The following POLR2B variants were observed in gnomAD, a reference collection of about 807,000 sequenced individuals.
POLR2B encodes the protein DNA-directed RNA polymerase II subunit RPB2.
POLR2B carries 57 observed loss-of-function variants against 144.6 expected under a neutral mutation model. The ratio of observed to expected loss-of-function variants is 0.39; its 90% CI spans 0.32 to 0.49. The LOEUF is 0.49. Ranked by LOEUF, POLR2B falls within the 20% of genes least tolerant of loss-of-function variation. The probability of loss-of-function intolerance (pLI) is 0.83; values close to 1 mark genes in which losing one functional copy is unlikely to be tolerated. For missense variants in POLR2B, 595 were observed against 1,467.4 expected (o/e 0.41, Z 9.71); for synonymous variants, 442 against 469.8 (o/e 0.94, Z 0.77).
Position 56,989,724 on chromosome 4 carries a change from T to C in POLR2B, c.93-1024T>C, listed in dbSNP as rs1214301120. Among the ~76,000 whole-genome samples the C allele has an allele frequency of 7.2e-5, 11 of 152,296 alleles. No homozygotes were observed. In the East Asian group the frequency reaches 1.5e-3, roughly 21 times the overall value. On this transcript the variant is annotated intron_variant, in intron 2 of 24. Transcript: ENST00000314595. ...AGACGTGGAGGTGTGGTGGGGCACT[T>C]CCTACTGCTGAAGGGTGATGGGATA...
chr4:56,997,774 A>G (rs894987459), intron 6 of POLR2B, among the ~76,000 whole-genome samples: 4 of 152,178 alleles, frequency 2.6e-5, no homozygotes, highest in African/African-American at 9.7e-5. Context: ...GATCTTAACT[A>G]AAGGTTCACC....
Position 56,990,802 on chromosome 4 carries a change from G to A in POLR2B, c.147G>A (p.Glu49=), listed in dbSNP as rs1364420901. 1.2e-6 allele frequency: 2 copies of A among 1,613,476 alleles called. No homozygotes were observed. Among genetic ancestry groups the A allele is most frequent in the East Asian group, 2.2e-5 (1 of 44,852 alleles). Residue 49 remains glutamate, a synonymous_variant, in exon 3 of 25, where the codon GAG becomes GAA. Transcript: ENST00000314595. ...GACAACAGCTGGATTCTTTTGATGA[G>A]TTTATTCAGATGTCTGTTCAAAGAA... ...LVRQQLDSFD[E]FIQMSVQRIV... is the part of the protein sequence containing the mutation.
At chr4:57,000,064 A>G (rs1014826784) in intron 7 of POLR2B, among the ~76,000 whole-genome samples, 10 of 152,242 alleles carry the variant, frequency 6.6e-5, no homozygotes, top group African/African-American at 1.9e-4. Context: ...GCTTGGTGCA[A>G]TTTAGTAAAA....
chr4:56,978,901 G>T lies in POLR2B; in HGVS notation c.-85G>T, dbSNP rs1187579361. 3.8e-6 allele frequency: 5 copies of T among 1,323,270 alleles called. No individual in the cohort carries two copies. Among genetic ancestry groups the T allele is most frequent in the Non-Finnish European group, 5.5e-6 (5 of 914,948 alleles). 82.0% of individuals were successfully genotyped at this position (1,323,270 alleles called of 1,614,324 possible). A position where few individuals can be genotyped will look rare whatever the true frequency, so the allele number is the denominator to read the frequency against. ...GAACGTCGGAGACGGAAGTTACTTC[G>T]TCTTTAGCTCCTGGCGCTGCTGGCT... On this transcript the variant is annotated 5_prime_UTR_variant, in exon 1 of 25. Coordinates refer to ENST00000314595, the MANE Select transcript of POLR2B (RefSeq NM_000938.3).
chr4:56,985,062 G>A (rs889826371), intron 1 of POLR2B, among the ~76,000 whole-genome samples: 5 of 152,100 alleles, frequency 3.3e-5, no homozygotes, highest in African/African-American at 1.2e-4. Context: ...TGACAGCTGG[G>A]TGAGAGATGA....
chr4:57,027,875 A>T (rs1048017932), intron 23 of POLR2B, among the ~76,000 whole-genome samples: 1 of 152,252 alleles, frequency 6.6e-6, no homozygotes, highest in Non-Finnish European at 1.5e-5. Flanking sequence ...TGCATTTGTT[A>T]ATATGACTAC....
chr4:57,024,161 A>G (rs1723636711), intron 21 of POLR2B, 49 bp downstream of exon 21: 1 of 994,600 alleles, frequency 1.0e-6, no homozygotes, highest in African/African-American at 1.6e-5. Context: ...TGCTTCTTCT[A>G]AAACTCTGAT....
intron 16 of POLR2B, among the ~76,000 whole-genome samples, chr4:57,018,656 A>G (rs1335343335): frequency 6.6e-6 from 1 of 152,224 alleles, no homozygotes; most frequent in African/African-American, 2.4e-5. Flanking sequence ...AGTTGCAAAC[A>G]TGATTTGAAA....
At chr4:57,007,794 A>G (rs1191629767) in intron 10 of POLR2B, among the ~76,000 whole-genome samples, 1 of 152,064 alleles carries the variant, frequency 6.6e-6, no homozygotes, top group African/African-American at 2.4e-5. Flanking sequence ...AATTTTTTGT[A>G]TTTGCTTTTC....
intron 7 of POLR2B, among the ~76,000 whole-genome samples, chr4:57,003,684 A>T (rs1722921877): frequency 6.6e-6 from 1 of 151,930 alleles, no homozygotes; most frequent in African/African-American, 2.4e-5. Context: ...CTCTACAAAA[A>T]AAAGAAAAAT....
At chr4:57,006,605 TC>T (rs1723026429) in intron 9 of POLR2B, among the ~76,000 whole-genome samples, 1 of 152,104 alleles carries the variant, frequency 6.6e-6, no homozygotes, top group Non-Finnish European at 1.5e-5. Flanking sequence ...ATGCCCCACC[TC>T]TTTGACATTT....
At chr4:57,022,325 G>A (rs1723578738) in intron 18 of POLR2B, 79 bp downstream of exon 18, 1 of 844,826 alleles carries the variant, frequency 1.2e-6, no homozygotes, top group South Asian at 1.5e-5. Flanking sequence ...GATGGGTTGT[G>A]TCACCCTGTG....
At chr4:57,019,828 G>A (rs1390012034) in intron 16 of POLR2B, among the ~76,000 whole-genome samples, 1 of 147,866 alleles carries the variant, frequency 6.8e-6, no homozygotes, top group Non-Finnish European at 1.5e-5. Context: ...GTCTTTAATG[G>A]GTCTAGGAGC....
At position 57,022,167 on chromosome 4, in the gene POLR2B, C is replaced by G; in HGVS notation, c.2436C>G (p.Arg812=). ...GTGTTTTTAGGTCTGTTTTCTATCG[C>G]TCATACAAAGAACAGGAGTCTAAAA... The part of the protein sequence containing the change: ...DRGFFRSVFY[R]SYKEQESKKG... Residue 812 remains arginine, a synonymous_variant, in exon 18 of 25, where the codon CGC becomes CGG. Coordinates refer to ENST00000314595, the MANE Select transcript of POLR2B (RefSeq NM_000938.3). 6.2e-7 allele frequency: 1 copy of G among 1,607,430 alleles called. No individual in the cohort carries two copies. Among genetic ancestry groups the G allele is most frequent in the East Asian group, 2.2e-5 (1 of 44,754 alleles).
At chr4:57,029,191 CCTTT>C (rs1267030292) in intron 23 of POLR2B, among the ~76,000 whole-genome samples, 2 of 151,898 alleles carry the variant, frequency 1.3e-5, no homozygotes, top group Non-Finnish European at 2.9e-5. Flanking sequence ...TATCTGGTTG[CCTTT>C]CTTTTTATGA....
intron 13 of POLR2B, among the ~76,000 whole-genome samples, chr4:57,014,700 T>A (rs1219077709): frequency 6.7e-6 from 1 of 150,148 alleles, no homozygotes; most frequent in Non-Finnish European, 1.5e-5. Flanking sequence ...GAGATGGGGT[T>A]TCACCGTGTT....
intron 23 of POLR2B, among the ~76,000 whole-genome samples, chr4:57,028,751 C>T (rs1457632315): frequency 2.0e-5 from 3 of 152,140 alleles, no homozygotes; most frequent in Non-Finnish European, 4.4e-5. Flanking sequence ...CCATGAACCA[C>T]ACTCTGAGAA....
chr4:57,008,302 A>G (rs1723085447), intron 10 of POLR2B, among the ~76,000 whole-genome samples: 1 of 147,176 alleles, frequency 6.8e-6, no homozygotes, highest in Non-Finnish European at 1.5e-5. Flanking sequence ...TTCTGGGTTT[A>G]CACCATTCTC....
At chr4:56,992,276 A>G (rs1301416256) in intron 3 of POLR2B, among the ~76,000 whole-genome samples, 2 of 151,596 alleles carry the variant, frequency 1.3e-5, no homozygotes, top group African/African-American at 4.8e-5. Context: ...CAGCCTGGCC[A>G]ATATGGTGAA....
Sources: gnomAD v4.1 joint callset for allele counts (sites outside exome capture counted in the v4.1 genomes callset) on GRCh38, gnomAD v4.1.1 for gene constraint, MANE v1.5 for transcripts, NCBI Gene and HGNC (gene_info 2026-07-23, HGNC 2026-07-21) for gene names.